POLR3H: variants seen among roughly 807,000 people sequenced by gnomAD.
POLR3H encodes DNA-directed RNA polymerase III subunit RPC8.
In POLR3H, 17 loss-of-function variants were observed where a neutral mutation model predicts 25.5. The ratio of observed to expected loss-of-function variants is 0.67; its 90% CI spans 0.46 to 1.00. POLR3H has a LOEUF of 1.00. Among genes scored for constraint, POLR3H ranks in the 50% least tolerant of loss-of-function variants. The probability of loss-of-function intolerance (pLI) is 0.00; values close to 1 mark genes in which losing one functional copy is unlikely to be tolerated. For missense variants in POLR3H, 274 were observed against 265.0 expected (o/e 1.03, Z -0.24); for synonymous variants, 129 against 103.0 (o/e 1.25, Z -1.53).
intron 4 of POLR3H, among the ~76,000 whole-genome samples, chr22:41,531,198 C>T (rs1373134423): frequency 6.6e-6 from 1 of 152,218 alleles, no homozygotes; most frequent in Non-Finnish European, 1.5e-5. Context: ...CCTCTCAAGA[C>T]AAGAGCAACC....
At chr22:41,537,965 ATTT>A (rs564442384) in intron 2 of POLR3H, among the ~76,000 whole-genome samples, 1 of 127,718 alleles carries the variant, frequency 7.8e-6, no homozygotes, top group Admixed American at 7.8e-5. Context: ...GACCTGGCTA[ATTT>A]TTTTTTTTTT....
rs766352965 is a variant in POLR3H, at chr22:41,526,246, C to T, written c.*3037G>A. 15 of 1,608,864 alleles carry T rather than the reference C, an allele frequency of 9.3e-6. No individual in the cohort carries two copies. Among genetic ancestry groups the T allele is most frequent in the African/African-American group, 2.7e-5 (2 of 74,836 alleles). ...GGCCATGCCCTGACCTCTGTCCTCT[C>T]TACTTACCACCCAAGGTCAAAGGGA... On this transcript the variant is annotated 3_prime_UTR_variant, in exon 6 of 6. Coordinates refer to ENST00000355209, the MANE Select transcript of POLR3H (RefSeq NM_001018050.4).
In POLR3H at chr22:41,532,141, G is replaced by C. The variant is rs114996071; in HGVS notation, c.312C>G (p.Phe104Leu). Residue 104 changes from phenylalanine (F) to leucine (L), a missense_variant, in exon 4 of 6, where the codon TTC becomes TTG. By Grantham distance (22) the Phe-to-Leu change is conservative. Coordinates refer to ENST00000355209, the MANE Select transcript of POLR3H (RefSeq NM_001018050.4). ...ACTCTGGGGGGATGAGAATGTCATC[G>C]AAGAAGCCTAGAGAGACTGGAAGGA... is the stretch of plus-strand genomic sequence containing the variant. ...PEGVHVSLGFFDDILIPPESL... is the reference protein window; with the variant it reads ...PEGVHVSLGFLDDILIPPESL... 9.9e-6 allele frequency: 16 copies of C among 1,614,096 alleles called. No individual in the cohort carries two copies. The South Asian group carries it at 1.8e-4, about 18-fold the overall frequency.
In POLR3H at chr22:41,527,341, G is replaced by C. The variant is rs757964630; in HGVS notation, c.*1942C>G. Reference sequence around the variant, plus strand: ...GAGACGAGAACTACGGCGAGGGCTCGAGCCGGGAGCATGCAGCTCTGGAGC... The same window carrying C: ...GAGACGAGAACTACGGCGAGGGCTCCAGCCGGGAGCATGCAGCTCTGGAGC... On this transcript the variant is annotated 3_prime_UTR_variant, in exon 6 of 6. Coordinates refer to ENST00000355209, the MANE Select transcript of POLR3H (RefSeq NM_001018050.4). The C allele has an allele frequency of 4.3e-6, 7 of 1,614,024 alleles. No homozygotes were observed. The highest frequency in any genetic ancestry group is 1.3e-5 in the African/African-American group (1 of 74,934).
At chr22:41,533,822 C>T (rs1263962652) in intron 2 of POLR3H, 1 of 724,088 alleles carries the variant, frequency 1.4e-6, no homozygotes, top group Non-Finnish European at 2.1e-6. Context: ...CCCACATGGC[C>T]CAACATTCAG....
intron 3 of POLR3H, 46 bp downstream of exon 3, chr22:41,532,613 C>A: frequency 6.2e-7 from 1 of 1,613,770 alleles, no homozygotes; most frequent in Non-Finnish European, 8.5e-7. Context: ...CCTCCTGCCC[C>A]CACAGTGTTC....
rs1555894503 is a variant in POLR3H, at chr22:41,544,436, A to ACGCACCACGCACCG, written c.-336_-335insCGGTGCGTGGTGCG. ...CCGCTCGTATCACGCACCACGCACC[A>ACGCACCACGCACCG]CGCACCGCGCACAGCCGCTCGCGCT... On this transcript the variant is annotated 5_prime_UTR_variant, in exon 1 of 6. Coordinates refer to ENST00000355209, the MANE Select transcript of POLR3H (RefSeq NM_001018050.4). The ACGCACCACGCACCG allele has an allele frequency of 5.4e-6, 1 of 186,478 alleles. No homozygotes were observed. The highest frequency in any genetic ancestry group is 1.1e-5 in the Non-Finnish European group (1 of 92,226). The allele number at this position is 186,478 out of a possible 1,614,324, so 11.6% of individuals were successfully genotyped here. A position where few individuals can be genotyped will look rare whatever the true frequency, so the allele number is the denominator to read the frequency against.
chr22:41,532,709 T>C lies in POLR3H; in HGVS notation c.245A>G (p.Asp82Gly), dbSNP rs1332825437. Residue 82 changes from aspartate (D) to glycine (G), a missense_variant, in exon 3 of 6, where the codon GAT becomes GGT. Asp to Gly is a moderately conservative substitution (Grantham distance 94). Transcript: ENST00000355209. ...FRCVVFHPFLDEILIGKIKGC... is the reference protein window; with the variant it reads ...FRCVVFHPFLGEILIGKIKGC... ...TTTGATCTTCCCAATGAGAATCTCA[T>C]CTAGGAATGGATGAAACACCACGCA... 1 of 1,613,824 alleles carries C rather than the reference T, an allele frequency of 6.2e-7. No individual in the cohort carries two copies. The highest frequency in any genetic ancestry group is 8.5e-7 in the Non-Finnish European group (1 of 1,179,942).
rs1286609900 is a variant in POLR3H at position 41,528,030 on chromosome 22, GC to G, written c.*1252del. On this transcript the variant is annotated 3_prime_UTR_variant, in exon 6 of 6. Transcript: ENST00000355209. ...GACTTCACCCCTGGCAAGGTTAGGG[GC>G]CCGGGTCCCCCTGAGGTGGTGGGGT... 6.2e-7 allele frequency: 1 copy of G among 1,614,104 alleles called. No individual in the cohort carries two copies. Among genetic ancestry groups the G allele is most frequent in the Non-Finnish European group, 8.5e-7 (1 of 1,180,018 alleles).
In POLR3H at chr22:41,541,975, C is replaced by T. The variant is rs144532648; in HGVS notation, c.112-1180G>A. Among the ~76,000 whole-genome samples, 10 of 152,324 alleles carry T rather than the reference C, an allele frequency of 6.6e-5. No homozygotes were observed. In the East Asian group the frequency reaches 1.3e-3, roughly 21 times the overall value. On this transcript the variant is annotated intron_variant, in intron 1 of 5. Coordinates refer to ENST00000355209, the MANE Select transcript of POLR3H (RefSeq NM_001018050.4). ...CGGATAAAGACCAATACCTCAACTCCGACATCCTACAGGGCTGTGTGGCCT... is the reference window on the plus strand; with the variant it reads ...CGGATAAAGACCAATACCTCAACTCTGACATCCTACAGGGCTGTGTGGCCT...
chr22:41,538,493 C>T (rs1215473951), intron 2 of POLR3H, among the ~76,000 whole-genome samples: 1 of 152,130 alleles, frequency 6.6e-6, no homozygotes, highest in Non-Finnish European at 1.5e-5. Context: ...CTCCTGACCT[C>T]AGGTGATGCA....
Position 41,526,480 on chromosome 22 carries a change from C to T in POLR3H, c.*2803G>A, listed in dbSNP as rs1601933756. 6.3e-7 allele frequency: 1 copy of T among 1,597,978 alleles called. No individual in the cohort carries two copies. Among genetic ancestry groups the T allele is most frequent in the Non-Finnish European group, 8.5e-7 (1 of 1,169,648 alleles). Reference sequence around the variant, plus strand: ...TGGGTCAGAGTTGATAGGGGCAATGCCAGTGGTCACTCCTGAAGGGGCCTG... The same window carrying T: ...TGGGTCAGAGTTGATAGGGGCAATGTCAGTGGTCACTCCTGAAGGGGCCTG... On this transcript the variant is annotated 3_prime_UTR_variant, in exon 6 of 6. Coordinates refer to ENST00000355209, the MANE Select transcript of POLR3H (RefSeq NM_001018050.4).
At chr22:41,540,212 T>G (rs1264949989) in intron 2 of POLR3H, 1 of 268,334 alleles carries the variant, frequency 3.7e-6, no homozygotes. Context: ...TTCCGTCTGC[T>G]CTCCACAGGC....
intron 1 of POLR3H, chr22:41,543,736 G>C (rs1365378315): frequency 1.5e-6 from 1 of 646,594 alleles, no homozygotes; most frequent in South Asian, 1.5e-5. Flanking sequence ...AGGCCCAGAA[G>C]GGGTCAGTAA....
intron 2 of POLR3H, among the ~76,000 whole-genome samples, chr22:41,537,961 GC>G (rs1443267133): frequency 6.7e-6 from 1 of 149,508 alleles, no homozygotes; most frequent in Non-Finnish European, 1.5e-5. Context: ...ACCAGACCTG[GC>G]TAATTTTTTT....
At chr22:41,534,326 G>A (rs1050686392) in intron 2 of POLR3H, among the ~76,000 whole-genome samples, 23 of 152,170 alleles carry the variant, frequency 1.5e-4, no homozygotes, top group Admixed American at 6.6e-5. Flanking sequence ...AAACATGCTG[G>A]AGACACACAA....
chr22:41,537,017 T>G (rs1429409740), intron 2 of POLR3H, among the ~76,000 whole-genome samples: 1 of 152,050 alleles, frequency 6.6e-6, no homozygotes, highest in Non-Finnish European at 1.5e-5. Context: ...AAAGGAGCGC[T>G]GCTCTAGACT....
chr22:41,532,220 G>A (rs1477219915), intron 3 of POLR3H, 63 bp from the exon 4 acceptor site: 3 of 1,520,298 alleles, frequency 2.0e-6, no homozygotes, highest in African/African-American at 2.7e-5. Flanking sequence ...AAACACTGCG[G>A]GGTCTTATGC....
chr22:41,541,331 CACA>C (rs889200528), intron 1 of POLR3H, among the ~76,000 whole-genome samples: 9 of 152,182 alleles, frequency 5.9e-5, no homozygotes, highest in East Asian at 1.9e-4. Flanking sequence ...CCACTGTGCT[CACA>C]ACATCTCAGA....
Sources: allele counts gnomAD v4.1 joint callset (sites outside exome capture counted in the v4.1 genomes callset), GRCh38; gene constraint gnomAD v4.1.1; transcripts MANE v1.5; gene names NCBI Gene and HGNC (gene_info 2026-07-23, HGNC 2026-07-21).